Variants in C10orf67 observed in about 807,000 individuals in gnomAD.
C10orf67 encodes uncharacterized protein C10orf67, mitochondrial.
Under a neutral mutation model 35.6 loss-of-function variants are expected in C10orf67, and 60 were observed. The observed-to-expected ratio is 1.68, with a 90% CI of 1.37 to 2.09. C10orf67 has a LOEUF of 2.09. Ranked by LOEUF, C10orf67 falls within the 30% of genes most tolerant of loss-of-function variation. The pLI, the probability that C10orf67 is intolerant of heterozygous loss-of-function variation, is 0.00. For missense variants in C10orf67, 474 were observed against 330.2 expected, an observed-to-expected ratio of 1.44 and a Z score of -3.38; for synonymous variants, 167 against 115.8, an observed-to-expected ratio of 1.44 and a Z score of -2.84.
chr10:23,248,768 A>C (rs565963032), intron 12 of C10orf67, among the ~76,000 whole-genome samples: 49 of 152,316 alleles, frequency 3.2e-4, no homozygotes, highest in African/African-American at 1.1e-3. Flanking sequence ...CTAAGTAGAG[A>C]GACATAATCT....
intron 8 of C10orf67, among the ~76,000 whole-genome samples, chr10:23,267,848 C>A (rs1385976214): frequency 1.3e-5 from 2 of 151,458 alleles, no homozygotes; most frequent in African/African-American, 4.9e-5. Context: ...TTGCAGTGAG[C>A]CAAGATAGTG....
At chr10:23,308,929 C>A (rs1188406503) in intron 4 of C10orf67, among the ~76,000 whole-genome samples, 1 of 152,056 alleles carries the variant, frequency 6.6e-6, no homozygotes, top group Non-Finnish European at 1.5e-5. Context: ...ACCTTAGCAC[C>A]GGTCTCCCAC....
intron 15 of C10orf67, among the ~76,000 whole-genome samples, chr10:23,214,846 A>T (rs1379096907): frequency 1.3e-5 from 2 of 152,104 alleles, no homozygotes; most frequent in African/African-American, 4.8e-5. Flanking sequence ...AACATGGCAA[A>T]ATCCTGTCTC....
At chr10:23,342,487 A>G (rs1197785544) in intron 1 of C10orf67, among the ~76,000 whole-genome samples, 1 of 152,180 alleles carries the variant, frequency 6.6e-6, no homozygotes, top group Non-Finnish European at 1.5e-5. Context: ...GTGAAGAGGA[A>G]GGAATATGGG....
At chr10:23,318,606 A>G (rs140697824) in intron 4 of C10orf67, 10 of 321,912 alleles carry the variant, frequency 3.1e-5, no homozygotes, top group African/African-American at 2.1e-4. Context: ...GGAGAGAAAC[A>G]TTGCACAAGA....
chr10:23,295,825 T>C (rs953556307), intron 5 of C10orf67, among the ~76,000 whole-genome samples: 5 of 152,232 alleles, frequency 3.3e-5, no homozygotes, highest in Non-Finnish European at 7.3e-5. Context: ...GTCCAAGATA[T>C]ATACAAAAAT....
intron 10 of C10orf67, among the ~76,000 whole-genome samples, chr10:23,261,771 G>A (rs1193858536): frequency 1.3e-5 from 2 of 152,056 alleles, no homozygotes; most frequent in Non-Finnish European, 2.9e-5. Context: ...TATGCAAATG[G>A]GAAGAAAATA....
rs1207983506 is a variant in C10orf67 at position 23,344,292 on chromosome 10, G to T, written c.206+277C>A. ...GAAGGAAGAGGGGGAAGGAGTGGGG[G>T]AAGGGGGAAGAGATGGAAAGGAGGA... On this transcript the variant is annotated intron_variant, in intron 1 of 15. Transcript: ENST00000636213. 25 of 479,390 alleles carry T rather than the reference G, an allele frequency of 5.2e-5. No individual in the cohort carries two copies. In the East Asian group the frequency reaches 9.2e-4, roughly 18 times the overall value. The allele number at this position is 479,390 out of a possible 1,614,324, so 29.7% of individuals were successfully genotyped here.
chr10:23,301,831 C>T (rs909868099), intron 5 of C10orf67, among the ~76,000 whole-genome samples: 8 of 152,176 alleles, frequency 5.3e-5, no homozygotes, highest in African/African-American at 1.2e-4. Flanking sequence ...GGAAGAGAAC[C>T]GTGGAACCCA....
At chr10:23,246,132 A>T (rs1842310449) in intron 12 of C10orf67, among the ~76,000 whole-genome samples, 1 of 152,238 alleles carries the variant, frequency 6.6e-6, no homozygotes, top group South Asian at 2.1e-4. Context: ...TCACATTTAT[A>T]AGTGGGAGCA....
intron 13 of C10orf67, among the ~76,000 whole-genome samples, chr10:23,235,177 A>G (rs545984797): frequency 1.3e-5 from 2 of 152,280 alleles, no homozygotes; most frequent in African/African-American, 4.8e-5. Flanking sequence ...TTGGAAATAG[A>G]CTCATACATA....
At chr10:23,235,012 CAA>C (rs57049730) in intron 13 of C10orf67, among the ~76,000 whole-genome samples, 100 of 76,018 alleles carry the variant, frequency 1.3e-3, no homozygotes, top group East Asian at 5.5e-3. Flanking sequence ...AATTCCATCT[CAA>C]AAAAAAAAAA....
At chr10:23,230,239 A>G (rs1298291000) in intron 13 of C10orf67, among the ~76,000 whole-genome samples, 1 of 152,164 alleles carries the variant, frequency 6.6e-6, no homozygotes, top group Non-Finnish European at 1.5e-5. Flanking sequence ...TTAAATGGAT[A>G]CTTCAGATGG....
At chr10:23,215,962 A>G (rs1424816008) in intron 15 of C10orf67, among the ~76,000 whole-genome samples, 4 of 152,196 alleles carry the variant, frequency 2.6e-5, no homozygotes. Context: ...ACTTGATTGA[A>G]GAATAGCTAT....
intron 13 of C10orf67, among the ~76,000 whole-genome samples, chr10:23,225,849 G>A (rs1479525659): frequency 6.6e-6 from 1 of 152,112 alleles, no homozygotes; most frequent in African/African-American, 2.4e-5. Flanking sequence ...ACCCAATACA[G>A]GAGCAGCCAG....
chr10:23,325,610 A>G (rs1434007088), intron 2 of C10orf67, among the ~76,000 whole-genome samples: 3 of 151,250 alleles, frequency 2.0e-5, no homozygotes, highest in African/African-American at 7.3e-5. Context: ...TCTTTAGGGG[A>G]CTATATCAGA....
intron 10 of C10orf67, among the ~76,000 whole-genome samples, chr10:23,252,005 C>T (rs1192850511): frequency 1.3e-5 from 2 of 152,130 alleles, no homozygotes; most frequent in African/African-American, 4.8e-5. Flanking sequence ...CCATTGAAAA[C>T]AATTTTCCTA....
Position 23,344,569 on chromosome 10 carries a change from C to T in C10orf67, c.206G>A (p.Arg69Lys), listed in dbSNP as rs1846064916. The change falls in exon 1 of 16, where the codon AGA (arginine) becomes AAA (lysine). Residue 69 changes from arginine to lysine, a missense_variant and splice_region_variant. By Grantham distance (26) the Arg-to-Lys change is conservative. Coordinates refer to ENST00000636213, the MANE Select transcript of C10orf67 (RefSeq NM_001371909.1). ...TACCCAGGCGCGGAGCTCAGCCTACCTCGTGGACCCGCGCATTTGCGGGGG... is the reference window on the plus strand; with the variant it reads ...TACCCAGGCGCGGAGCTCAGCCTACTTCGTGGACCCGCGCATTTGCGGGGG... ...FKPPQMRGST[R>K]LNISDDLKIG... is the part of the protein sequence containing the mutation. 1.9e-6 allele frequency: 3 copies of T among 1,572,808 alleles called. No individual in the cohort carries two copies. Among genetic ancestry groups the T allele is most frequent in the South Asian group, 1.2e-5 (1 of 85,644 alleles).
At chr10:23,264,190 C>A (rs1842827465) in intron 10 of C10orf67, among the ~76,000 whole-genome samples, 1 of 152,114 alleles carries the variant, frequency 6.6e-6, no homozygotes, top group South Asian at 2.1e-4. Context: ...AAAATTATAG[C>A]TAGAATGTGT....
Sources: gnomAD v4.1 joint callset for allele counts (sites outside exome capture counted in the v4.1 genomes callset) on GRCh38, gnomAD v4.1.1 for gene constraint, MANE v1.5 for transcripts, NCBI Gene and HGNC (gene_info 2026-07-23, HGNC 2026-07-21) for gene names.